Variants in GSK3B observed in about 807,000 individuals in gnomAD.
GSK3B encodes glycogen synthase kinase-3 beta.
Under a neutral mutation model 56.4 loss-of-function variants are expected in GSK3B, and 15 were observed. The observed-to-expected ratio is 0.27, with a 90% CI of 0.18 to 0.41. The LOEUF (loss-of-function observed/expected upper bound fraction) is 0.41. GSK3B is among the 10% of genes least tolerant of loss of function. GSK3B has a pLI of 1.00. For synonymous variants in GSK3B, 181 were observed against 188.9 expected, an observed-to-expected ratio of 0.96 and a Z score of 0.34; for missense variants, 300 against 513.4, an observed-to-expected ratio of 0.58 and a Z score of 4.02.
intron 1 of GSK3B, among the ~76,000 whole-genome samples, chr3:120,062,488 T>C (rs376674475): frequency 1.3e-5 from 2 of 152,216 alleles, no homozygotes; most frequent in African/African-American, 4.8e-5. Context: ...ATGTAATCCA[T>C]AGTATCACCA....
chr3:119,915,865 A>G (rs1440170105), intron 5 of GSK3B, among the ~76,000 whole-genome samples, 179 bp downstream of exon 5: 1 of 152,208 alleles, frequency 6.6e-6, no homozygotes, highest in Non-Finnish European at 1.5e-5. Context: ...ATGAAGGAGT[A>G]TATACATTTA....
intron 7 of GSK3B, among the ~76,000 whole-genome samples, chr3:119,895,117 T>C (rs2056547790): frequency 6.6e-6 from 1 of 152,110 alleles, no homozygotes; most frequent in Non-Finnish European, 1.5e-5. Context: ...ACACTATTCT[T>C]CTCTCTCCTT....
At chr3:119,915,988 G>A in intron 5 of GSK3B, 56 bp downstream of exon 5, 2 of 1,232,768 alleles carry the variant, frequency 1.6e-6, no homozygotes, top group South Asian at 1.3e-5. Flanking sequence ...TTTAAAAGAA[G>A]ATAGTAGGGG....
intron 1 of GSK3B, among the ~76,000 whole-genome samples, chr3:120,011,374 C>T (rs2057777441): frequency 6.6e-6 from 1 of 152,142 alleles, no homozygotes; most frequent in Non-Finnish European, 1.5e-5. Context: ...TGGGATTTAG[C>T]ATCTCTTCAC....
At chr3:120,072,271 T>C (rs1299564058) in intron 1 of GSK3B, among the ~76,000 whole-genome samples, 3 of 152,174 alleles carry the variant, frequency 2.0e-5, no homozygotes, top group African/African-American at 4.8e-5. Flanking sequence ...TATTTAATTA[T>C]CTTCGGCCGG....
chr3:119,835,338 GAAGAAT>G (rs1230954961), intron 10 of GSK3B, among the ~76,000 whole-genome samples: 2 of 152,114 alleles, frequency 1.3e-5, no homozygotes, highest in Non-Finnish European at 2.9e-5. Flanking sequence ...TAAAAATTTA[GAAGAAT>G]AAGTACAGCT....
At chr3:120,051,209 C>T (rs530658745) in intron 1 of GSK3B, among the ~76,000 whole-genome samples, 2 of 150,098 alleles carry the variant, frequency 1.3e-5, no homozygotes, top group East Asian at 3.9e-4. Context: ...ACTGAATAGG[C>T]TGGTTTACAA....
intron 9 of GSK3B, among the ~76,000 whole-genome samples, chr3:119,859,121 T>C (rs955976583): frequency 3.3e-5 from 5 of 150,840 alleles, no homozygotes; most frequent in Admixed American, 6.6e-5. Flanking sequence ...AAAGTAAGCA[T>C]AGCCTGTTGG....
At chr3:120,085,010 A>G (rs886478470) in intron 1 of GSK3B, among the ~76,000 whole-genome samples, 3 of 152,352 alleles carry the variant, frequency 2.0e-5, no homozygotes, top group Admixed American at 1.3e-4. Flanking sequence ...CAGAATACCT[A>G]TGAAAGGACA....
At chr3:120,074,182 G>A (rs1029284975) in intron 1 of GSK3B, among the ~76,000 whole-genome samples, 1 of 151,810 alleles carries the variant, frequency 6.6e-6, no homozygotes, top group Admixed American at 6.6e-5. Context: ...GCACATATCT[G>A]CAGTACCACT....
chr3:119,853,727 G>A (rs1487934125), intron 9 of GSK3B, among the ~76,000 whole-genome samples: 2 of 152,152 alleles, frequency 1.3e-5, no homozygotes, highest in African/African-American at 2.4e-5. Flanking sequence ...CTGTTTGTCT[G>A]TTATTGGTGT....
intron 4 of GSK3B, among the ~76,000 whole-genome samples, chr3:119,920,017 A>T (rs2056823634): frequency 6.6e-6 from 1 of 152,360 alleles, no homozygotes; most frequent in African/African-American, 2.4e-5. Flanking sequence ...ACACTTAAAA[A>T]ATACTTAACA....
intron 1 of GSK3B, among the ~76,000 whole-genome samples, chr3:120,051,401 C>G (rs1394561006): frequency 6.6e-6 from 1 of 152,096 alleles, no homozygotes; most frequent in Non-Finnish European, 1.5e-5. Flanking sequence ...AGATATAGCA[C>G]AGCCACTCAG....
At chr3:120,020,192 G>A (rs1186150007) in intron 1 of GSK3B, among the ~76,000 whole-genome samples, 3 of 152,058 alleles carry the variant, frequency 2.0e-5, no homozygotes, top group Non-Finnish European at 4.4e-5. Context: ...ATAACTACGA[G>A]TTTTGTCATT....
At chr3:119,947,067 C>T (rs2057107793) in intron 3 of GSK3B, among the ~76,000 whole-genome samples, 1 of 151,814 alleles carries the variant, frequency 6.6e-6, no homozygotes, top group African/African-American at 2.4e-5. Flanking sequence ...CTTAAAAGTG[C>T]ATTCCCTTTA....
intron 7 of GSK3B, 136 bp downstream of exon 7, chr3:119,905,619 T>C (rs1308417293): frequency 4.6e-6 from 3 of 650,824 alleles, no homozygotes; most frequent in Non-Finnish European, 5.6e-6. Context: ...ACCCACTTTA[T>C]AGCTGAACTT....
chr3:119,840,756 A>G (rs924305552), intron 10 of GSK3B, among the ~76,000 whole-genome samples: 2 of 152,144 alleles, frequency 1.3e-5, no homozygotes, highest in Non-Finnish European at 2.9e-5. Flanking sequence ...TTGGGTTACA[A>G]TAAGGGGAAC....
intron 2 of GSK3B, among the ~76,000 whole-genome samples, chr3:119,965,945 T>C (rs2057315103): frequency 6.6e-6 from 1 of 152,244 alleles, no homozygotes; most frequent in Non-Finnish European, 1.5e-5. Context: ...ATAAATCTTG[T>C]AGGTTCTCTA....
intron 1 of GSK3B, among the ~76,000 whole-genome samples, chr3:120,043,958 T>G (rs2058082912): frequency 6.6e-6 from 1 of 152,200 alleles, no homozygotes; most frequent in African/African-American, 2.4e-5. Context: ...AAATAGGATA[T>G]CAAGATACAA....
Sources: gnomAD v4.1 joint callset for allele counts (sites outside exome capture counted in the v4.1 genomes callset) on GRCh38, gnomAD v4.1.1 for gene constraint, MANE v1.5 for transcripts, NCBI Gene and HGNC (gene_info 2026-07-23, HGNC 2026-07-21) for gene names.